Variants in KCNH7 observed in about 807,000 individuals in gnomAD.
KCNH7 encodes the protein potassium voltage-gated channel subfamily H member 7, also known as voltage-gated inwardly rectifying potassium channel KCNH7.
KCNH7 carries 49 observed loss-of-function variants against 120.8 expected under a neutral mutation model. The observed-to-expected ratio is 0.41, with a 90% CI of 0.32 to 0.51. The LOEUF is 0.51. Ranked by LOEUF, KCNH7 falls within the 20% of genes least tolerant of loss-of-function variation. The pLI, the probability that KCNH7 is intolerant of heterozygous loss-of-function variation, is 0.38. For synonymous variants in KCNH7, 547 were observed against 516.1 expected (o/e 1.06, Z -0.81); for missense variants, 1,097 against 1,446.6 (o/e 0.76, Z 3.92).
intron 12 of KCNH7, among the ~76,000 whole-genome samples, chr2:162,387,899 C>T (rs1686622083): frequency 6.6e-6 from 1 of 151,764 alleles, no homozygotes; most frequent in Non-Finnish European, 1.5e-5. Flanking sequence ...GTCTTTCTCT[C>T]AGTTTACCAT....
chr2:162,810,321 A>G (rs1684694912), intron 2 of KCNH7, among the ~76,000 whole-genome samples: 1 of 152,184 alleles, frequency 6.6e-6, no homozygotes, highest in Non-Finnish European at 1.5e-5. Flanking sequence ...TACTTTACAC[A>G]TACAAAATAA....
chr2:162,424,261 C>T (rs909380190), intron 8 of KCNH7, among the ~76,000 whole-genome samples: 1 of 152,110 alleles, frequency 6.6e-6, no homozygotes, highest in Non-Finnish European at 1.5e-5. Flanking sequence ...GAAGAAACCG[C>T]TATGAGATCC....
In KCNH7 at chr2:162,694,132, A is replaced by G. The variant is rs1011139561; in HGVS notation, c.307+142405T>C. Among the ~76,000 whole-genome samples, 6 of 152,296 alleles carry G rather than the reference A, an allele frequency of 3.9e-5. No individual in the cohort carries two copies. The East Asian group carries it at 7.7e-4, about 20-fold the overall frequency. ...AAACATTCCTGAAGAACTATAATTA[A>G]CCACCAGTTTTAAATCTCTTATCAT... On this transcript the variant is annotated intron_variant, in intron 2 of 15. Coordinates refer to ENST00000332142, the MANE Select transcript of KCNH7 (RefSeq NM_033272.4).
intron 2 of KCNH7, among the ~76,000 whole-genome samples, chr2:162,669,303 G>T (rs902013352): frequency 6.6e-6 from 1 of 152,114 alleles, no homozygotes; most frequent in South Asian, 2.1e-4. Context: ...ATAAAATGAT[G>T]TAACTTAGAT....
chr2:162,713,688 A>T (rs1392096025), intron 2 of KCNH7, among the ~76,000 whole-genome samples: 1 of 152,170 alleles, frequency 6.6e-6, no homozygotes, highest in Non-Finnish European at 1.5e-5. Flanking sequence ...TGAGCTAAAC[A>T]TCTTATGAAC....
At chr2:162,480,812 G>T (rs952913294) in intron 6 of KCNH7, among the ~76,000 whole-genome samples, 1 of 152,128 alleles carries the variant, frequency 6.6e-6, no homozygotes, top group Admixed American at 6.5e-5. Context: ...AGCTTATATA[G>T]GGCAAGAAGT....
At chr2:162,616,044 T>G (rs1243254881) in intron 2 of KCNH7, among the ~76,000 whole-genome samples, 2 of 152,206 alleles carry the variant, frequency 1.3e-5, no homozygotes, top group Non-Finnish European at 2.9e-5. Flanking sequence ...TCGAAAGTGT[T>G]GCTGGAGTGG....
At position 162,561,998 on chromosome 2, in the gene KCNH7, G is replaced by C. The variant is rs546815845; in HGVS notation, c.308-24918C>G. On this transcript the variant is annotated intron_variant, in intron 2 of 15. Coordinates refer to ENST00000332142, the MANE Select transcript of KCNH7 (RefSeq NM_033272.4). ...CACCACATGTTCTCGCTCATGAGTG[G>C]GAGTCGATCAATGAGAACACATGGA... Among the ~76,000 whole-genome samples, 9 of 152,178 alleles carry C rather than the reference G, an allele frequency of 5.9e-5. No homozygotes were observed. In the South Asian group the frequency reaches 1.7e-3, roughly 28 times the overall value.
intron 2 of KCNH7, among the ~76,000 whole-genome samples, chr2:162,667,169 A>T (rs1185435851): frequency 4.0e-5 from 6 of 151,362 alleles, no homozygotes; most frequent in Non-Finnish European, 2.9e-5. Flanking sequence ...ATAGGTGTAC[A>T]CCACAATGCC....
intron 2 of KCNH7, among the ~76,000 whole-genome samples, chr2:162,657,527 A>T (rs1050457357): frequency 1.2e-4 from 19 of 152,194 alleles, no homozygotes; most frequent in African/African-American, 4.6e-4. Context: ...TCAGCTTTTT[A>T]TTGCTGAATA....
intron 2 of KCNH7, among the ~76,000 whole-genome samples, chr2:162,581,613 AGT>A (rs200964669): frequency 0.013 from 2,010 of 152,132 alleles, 55 homozygotes; most frequent in African/African-American, 0.046. Flanking sequence ...TTTTTTTAAA[AGT>A]GTATTTAAAT....
chr2:162,744,441 C>T (rs1421179725), intron 2 of KCNH7, among the ~76,000 whole-genome samples: 1 of 152,022 alleles, frequency 6.6e-6, no homozygotes, highest in Non-Finnish European at 1.5e-5. Flanking sequence ...TTAAGTTCTC[C>T]CCAGGTAAAC....
At chr2:162,650,894 A>T (rs1482041429) in intron 2 of KCNH7, among the ~76,000 whole-genome samples, 2 of 152,210 alleles carry the variant, frequency 1.3e-5, no homozygotes, top group African/African-American at 4.8e-5. Flanking sequence ...CTCTGTCAGC[A>T]GGTAGGTACG....
At chr2:162,406,959 T>G (rs1687245549) in intron 9 of KCNH7, among the ~76,000 whole-genome samples, 1 of 152,050 alleles carries the variant, frequency 6.6e-6, no homozygotes, top group South Asian at 2.1e-4. Flanking sequence ...TCATGATAGG[T>G]GAACTCTTAT....
chr2:162,836,708 C>T lies in KCNH7; in HGVS notation c.136G>A (p.Asp46Asn). 1 of 1,614,088 alleles carries T rather than the reference C, an allele frequency of 6.2e-7. No homozygotes were observed. The highest frequency in any genetic ancestry group is 8.5e-7 in the Non-Finnish European group (1 of 1,180,006). The change falls in exon 2 of 16, where the codon GAT (aspartate) becomes AAT (asparagine). Residue 46 changes from aspartate to asparagine, a missense_variant. By Grantham distance (23) the Asp-to-Asn change is conservative. Coordinates refer to ENST00000332142, the MANE Select transcript of KCNH7 (RefSeq NM_033272.4). ...AAACCAGTCATCTCACAGAACCCAT[C>T]GTTGCAATAAATGATGGCACAGTTC... is the stretch of plus-strand genomic sequence containing the variant. ...VQNCAIIYCN[D>N]GFCEMTGFSR...
chr2:162,427,448 T>C (rs73018953), intron 8 of KCNH7, among the ~76,000 whole-genome samples: 2,299 of 152,186 alleles, frequency 0.015, 51 homozygotes, highest in African/African-American at 0.053. Flanking sequence ...AATGTGCATT[T>C]TCCTGATGAT....
At position 162,470,752 on chromosome 2, in the gene KCNH7, C is replaced by T. The variant is rs866803532; in HGVS notation, c.1129-24309G>A. ...CACCCCGTCTGGGAGGTGTACCCAA[C>T]GGCTCATTGAGAACAGGCCATGATG... On this transcript the variant is annotated intron_variant, in intron 6 of 15. Transcript: ENST00000332142. Among the ~76,000 whole-genome samples, 319 of 152,298 alleles carry T rather than the reference C, an allele frequency of 2.1e-3. 6 individuals carry two copies. The Middle Eastern group carries it at 0.031, about 15-fold the overall frequency.
rs543678334 is a variant in KCNH7 at position 162,515,978 on chromosome 2, C to T, written c.892+1752G>A. Among the ~76,000 whole-genome samples the T allele has an allele frequency of 6.6e-5, 10 of 151,836 alleles. No individual in the cohort carries two copies. The South Asian group carries it at 1.2e-3, about 19-fold the overall frequency. On this transcript the variant is annotated intron_variant, in intron 4 of 15. Coordinates refer to ENST00000332142, the MANE Select transcript of KCNH7 (RefSeq NM_033272.4). ...TCTATATGATTTACTCCTAAGACTT[C>T]GTTTAACTTCAGAGTATGATGGAGC...
intron 2 of KCNH7, chr2:162,768,888 T>C (rs1682930870): frequency 6.6e-6 from 1 of 152,224 alleles, no homozygotes; most frequent in Non-Finnish European, 1.5e-5. Flanking sequence ...GGAGAGCTTT[T>C]CCACAGGGTT....
Sources: gnomAD v4.1 joint callset for allele counts (sites outside exome capture counted in the v4.1 genomes callset) on GRCh38, gnomAD v4.1.1 for gene constraint, MANE v1.5 for transcripts, NCBI Gene and HGNC (gene_info 2026-07-23, HGNC 2026-07-21) for gene names.